AUTS2: variants seen among roughly 807,000 people sequenced by gnomAD.
AUTS2 encodes activator of transcription and developmental regulator AUTS2, also known as autism susceptibility gene 2 protein.
AUTS2 carries 17 observed loss-of-function variants against 112.4 expected under a neutral mutation model. That is an observed-to-expected ratio of 0.15 (90% CI 0.10 to 0.23). The LOEUF is 0.23. Ranked by LOEUF, AUTS2 falls within the 10% of genes least tolerant of loss-of-function variation. The pLI is 1.00. For missense variants in AUTS2, 1,510 were observed against 1,701.6 expected (o/e 0.89, Z 1.98); for synonymous variants, 751 against 702.7 (o/e 1.07, Z -1.09).
intron 6 of AUTS2, among the ~76,000 whole-genome samples, chr7:70,704,831 A>G (rs1475690548): frequency 6.6e-6 from 1 of 152,202 alleles, no homozygotes; most frequent in Non-Finnish European, 1.5e-5. Flanking sequence ...ATGTATGTTT[A>G]TTTAACTAGG....
At chr7:69,624,827 A>G (rs1793866595) in intron 1 of AUTS2, among the ~76,000 whole-genome samples, 1 of 152,212 alleles carries the variant, frequency 6.6e-6, no homozygotes, top group South Asian at 2.1e-4. Context: ...TGATTAAATA[A>G]ATATTCCTGT....
intron 2 of AUTS2, among the ~76,000 whole-genome samples, chr7:70,093,311 G>A (rs118186695): frequency 1.3e-5 from 2 of 152,290 alleles, no homozygotes; most frequent in Non-Finnish European, 2.9e-5. Context: ...CAGGTCTGCT[G>A]CCTCCATTCA....
At chr7:70,360,652 G>A (rs532401103) in intron 4 of AUTS2, among the ~76,000 whole-genome samples, 4 of 152,192 alleles carry the variant, frequency 2.6e-5, no homozygotes, top group African/African-American at 9.6e-5. Flanking sequence ...TCTTATAAAT[G>A]ACTTTCTGCT....
chr7:70,310,408 CG>C (rs998354968), intron 4 of AUTS2, among the ~76,000 whole-genome samples: 4 of 151,818 alleles, frequency 2.6e-5, no homozygotes, highest in African/African-American at 9.7e-5. Flanking sequence ...CAGGAAATCG[CG>C]ACCATCCTGG....
intron 4 of AUTS2, among the ~76,000 whole-genome samples, chr7:70,302,120 T>A (rs1274001031): frequency 6.6e-6 from 1 of 152,144 alleles, no homozygotes; most frequent in Non-Finnish European, 1.5e-5. Flanking sequence ...CTTATAGAAA[T>A]TGCAATTAGG....
At chr7:69,620,431 A>C (rs936802659) in intron 1 of AUTS2, among the ~76,000 whole-genome samples, 5 of 152,224 alleles carry the variant, frequency 3.3e-5, no homozygotes, top group African/African-American at 1.2e-4. Context: ...GTTTGGAGTT[A>C]GTCAATAAAA....
At chr7:70,099,203 C>CA in intron 2 of AUTS2, among the ~76,000 whole-genome samples, 1 of 152,162 alleles carries the variant, frequency 6.6e-6, no homozygotes, top group Admixed American at 6.5e-5. Context: ...TATCTAGCCA[C>CA]AAAACTAGGA....
chr7:70,153,414 G>C (rs557046879), intron 4 of AUTS2, among the ~76,000 whole-genome samples: 15 of 152,150 alleles, frequency 9.9e-5, no homozygotes, highest in Non-Finnish European at 2.9e-5. Context: ...GTTGCTTGGA[G>C]AGGCAGGCAC....
chr7:69,875,313 A>G (rs942265771), intron 1 of AUTS2, among the ~76,000 whole-genome samples: 5 of 152,180 alleles, frequency 3.3e-5, no homozygotes, highest in Admixed American at 6.5e-5. Context: ...AAATGGTACT[A>G]GTTTGATACT....
At chr7:69,974,915 A>G (rs1010939893) in intron 2 of AUTS2, among the ~76,000 whole-genome samples, 2 of 152,106 alleles carry the variant, frequency 1.3e-5, no homozygotes, top group African/African-American at 2.4e-5. Flanking sequence ...CATTTTTACA[A>G]GTTACTGTAT....
At chr7:70,079,071 C>A (rs1401183966) in intron 2 of AUTS2, among the ~76,000 whole-genome samples, 1 of 152,148 alleles carries the variant, frequency 6.6e-6, no homozygotes, top group African/African-American at 2.4e-5. Context: ...GCCAGCCCTG[C>A]TGCAGATTGA....
chr7:70,146,819 A>G (rs148260443), intron 4 of AUTS2, among the ~76,000 whole-genome samples: 57 of 152,318 alleles, frequency 3.7e-4, no homozygotes, highest in African/African-American at 1.3e-3. Context: ...TTATCTATGT[A>G]CACAGCTCAA....
chr7:70,096,889 G>T (rs1377090694), intron 2 of AUTS2, among the ~76,000 whole-genome samples: 1 of 152,182 alleles, frequency 6.6e-6, no homozygotes, highest in Non-Finnish European at 1.5e-5. Context: ...AAGTGGGATA[G>T]CCAGTGTCAG....
chr7:70,508,671 G>A (rs973841472), intron 5 of AUTS2, among the ~76,000 whole-genome samples: 2 of 152,130 alleles, frequency 1.3e-5, no homozygotes, highest in African/African-American at 2.4e-5. Flanking sequence ...CATACACCAC[G>A]GTTACAGCCA....
chr7:70,008,957 G>T (rs1466190069), intron 2 of AUTS2, among the ~76,000 whole-genome samples: 1 of 152,116 alleles, frequency 6.6e-6, no homozygotes, highest in African/African-American at 2.4e-5. Context: ...ATAGCTGGGG[G>T]CTTTACTAGA....
intron 5 of AUTS2, among the ~76,000 whole-genome samples, chr7:70,667,614 G>A (rs1175665032): frequency 1.3e-5 from 2 of 152,166 alleles, no homozygotes; most frequent in Admixed American, 6.5e-5. Flanking sequence ...GAGCTTGTTG[G>A]CCCATTGCTG....
Position 70,409,343 on chromosome 7 carries a change from A to ATG in AUTS2, c.661-26397_661-26396dup, listed in dbSNP as rs200949302. On this transcript the variant is annotated intron_variant, in intron 4 of 18. Coordinates refer to ENST00000342771, the MANE Select transcript of AUTS2 (RefSeq NM_015570.4). ...TTGGTGTATTAGTATATATATATAT[A>ATG]TGTGTGTGTGTGTATTTATGTATGT... is the stretch of plus-strand genomic sequence containing the variant. Among the ~76,000 whole-genome samples the ATG allele has an allele frequency of 6.0e-5, 9 of 149,844 alleles. No individual in the cohort carries two copies. The South Asian group carries it at 6.4e-4, about 11-fold the overall frequency.
chr7:70,524,871 AC>A (rs1341623032), intron 5 of AUTS2, among the ~76,000 whole-genome samples: 1 of 152,220 alleles, frequency 6.6e-6, no homozygotes, highest in Non-Finnish European at 1.5e-5. Context: ...CCCAGTGCAG[AC>A]GCCTCGATGA....
chr7:69,759,267 G>A (rs1264072481), intron 1 of AUTS2, among the ~76,000 whole-genome samples: 1 of 151,444 alleles, frequency 6.6e-6, no homozygotes, highest in Non-Finnish European at 1.5e-5. Context: ...TTTTTTTTCC[G>A]AGTTTGAAAC....
Sources: gnomAD v4.1 joint callset for allele counts (sites outside exome capture counted in the v4.1 genomes callset) on GRCh38, gnomAD v4.1.1 for gene constraint, MANE v1.5 for transcripts, NCBI Gene and HGNC (gene_info 2026-07-23, HGNC 2026-07-21) for gene names.